BABAM2: variants seen among roughly 807,000 people sequenced by gnomAD.
The protein encoded by BABAM2 is BRISC and BRCA1 A complex member 2.
BABAM2 carries 31 observed loss-of-function variants against 54.7 expected under a neutral mutation model. The observed-to-expected ratio is 0.57, with a 90% CI of 0.43 to 0.77. The LOEUF is 0.77. Among genes scored for constraint, BABAM2 ranks in the 30% least tolerant of loss-of-function variants. BABAM2 has a pLI of 0.00. For synonymous variants in BABAM2, 167 were observed against 162.9 expected (o/e 1.03, Z -0.19); for missense variants, 364 against 455.8 (o/e 0.80, Z 1.83).
chr2:27,996,206 G>A (rs929298886), intron 4 of BABAM2, among the ~76,000 whole-genome samples: 1 of 152,194 alleles, frequency 6.6e-6, no homozygotes, highest in African/African-American at 2.4e-5. Flanking sequence ...TCCAGATAAC[G>A]CAGTCTTCTT....
chr2:28,176,581 A>AC (rs1674984519), intron 7 of BABAM2, among the ~76,000 whole-genome samples: 1 of 143,508 alleles, frequency 7.0e-6, no homozygotes. Context: ...AAAAAAAAAA[A>AC]AAAAAAAAAA....
chr2:28,034,201 C>T (rs1339545245), intron 5 of BABAM2, among the ~76,000 whole-genome samples: 1 of 152,124 alleles, frequency 6.6e-6, no homozygotes, highest in Non-Finnish European at 1.5e-5. Flanking sequence ...ACACAGAGGC[C>T]ATTTGAAGAT....
chr2:28,052,455 T>G (rs1471379580), intron 6 of BABAM2, among the ~76,000 whole-genome samples: 1 of 151,908 alleles, frequency 6.6e-6, no homozygotes, highest in African/African-American at 2.4e-5. Flanking sequence ...GCCTGGCTAA[T>G]TTTTGTATTT....
rs573568511 is a variant in BABAM2, at chr2:28,072,258, C to T, written c.570+26459C>T. Among the ~76,000 whole-genome samples, 6 of 152,160 alleles carry T rather than the reference C, an allele frequency of 3.9e-5. No individual in the cohort carries two copies. The South Asian group carries it at 6.2e-4, about 16-fold the overall frequency. On this transcript the variant is annotated intron_variant, in intron 6 of 11. Coordinates refer to ENST00000379624, the MANE Select transcript of BABAM2 (RefSeq NM_199191.3). Reference sequence around the variant, plus strand: ...CGCCATCTTGGCTTACTGCAACCTTCGCCTCCCGGATTCAAGCAGTTCTCC... The same window carrying T: ...CGCCATCTTGGCTTACTGCAACCTTTGCCTCCCGGATTCAAGCAGTTCTCC...
chr2:27,946,091 A>T (rs1467349127), intron 3 of BABAM2, among the ~76,000 whole-genome samples: 1 of 152,188 alleles, frequency 6.6e-6, no homozygotes, highest in East Asian at 1.9e-4. Flanking sequence ...GTGAAGTCAG[A>T]CCTTCTTGCC....
chr2:28,223,826 C>CTAA (rs1680626898), intron 7 of BABAM2, among the ~76,000 whole-genome samples: 1 of 152,164 alleles, frequency 6.6e-6, no homozygotes, highest in Non-Finnish European at 1.5e-5. Context: ...ATATCAGAAC[C>CTAA]AGCTATGAGC....
chr2:28,120,500 G>A (rs778966386), intron 6 of BABAM2, among the ~76,000 whole-genome samples: 20 of 152,108 alleles, frequency 1.3e-4, no homozygotes, highest in Non-Finnish European at 2.1e-4. Context: ...TTCAAAACTC[G>A]TCTTCACCAT....
At chr2:28,314,808 T>C (rs1689374234) in intron 11 of BABAM2, among the ~76,000 whole-genome samples, 1 of 151,472 alleles carries the variant, frequency 6.6e-6, no homozygotes, top group Admixed American at 6.6e-5. Context: ...GAAGCTGAAA[T>C]TGGAGGCTGG....
At chr2:27,980,696 G>A (rs1330929979) in intron 3 of BABAM2, among the ~76,000 whole-genome samples, 1 of 151,060 alleles carries the variant, frequency 6.6e-6, no homozygotes, top group African/African-American at 2.4e-5. Context: ...TACATGTAAT[G>A]TAGTAAACTT....
At chr2:28,136,277 A>G (rs1253839352) in intron 7 of BABAM2, among the ~76,000 whole-genome samples, 1 of 152,130 alleles carries the variant, frequency 6.6e-6, no homozygotes, top group Non-Finnish European at 1.5e-5. Flanking sequence ...CCTGACCGCC[A>G]CTGCCTGCCT....
chr2:28,068,690 T>G (rs1055699482), intron 6 of BABAM2, among the ~76,000 whole-genome samples: 1 of 152,136 alleles, frequency 6.6e-6, no homozygotes, highest in Admixed American at 6.5e-5. Flanking sequence ...CAGAATGAGC[T>G]CTTCCAGATG....
intron 6 of BABAM2, among the ~76,000 whole-genome samples, chr2:28,100,584 C>T (rs1364145834): frequency 1.3e-5 from 2 of 151,754 alleles, no homozygotes; most frequent in African/African-American, 4.8e-5. Context: ...TTTTGTGTAT[C>T]GCCTTCTAAT....
chr2:28,157,086 T>A (rs898814204), intron 7 of BABAM2, among the ~76,000 whole-genome samples: 1 of 152,240 alleles, frequency 6.6e-6, no homozygotes, highest in Non-Finnish European at 1.5e-5. Flanking sequence ...TTTTTCCTTA[T>A]GAAAATAATT....
At chr2:27,967,914 T>C (rs1331397192) in intron 3 of BABAM2, among the ~76,000 whole-genome samples, 4 of 152,180 alleles carry the variant, frequency 2.6e-5, no homozygotes, top group African/African-American at 4.8e-5. Flanking sequence ...CAGCAAAGCA[T>C]TCAAAAGGTG....
intron 3 of BABAM2, among the ~76,000 whole-genome samples, chr2:27,973,812 G>A (rs1465193363): frequency 6.6e-6 from 1 of 152,128 alleles, no homozygotes; most frequent in Non-Finnish European, 1.5e-5. Context: ...TAGCCTCTGG[G>A]TGGTGCGTAC....
intron 10 of BABAM2, among the ~76,000 whole-genome samples, chr2:28,255,530 C>A (rs1467993552): frequency 6.6e-6 from 1 of 152,080 alleles, no homozygotes; most frequent in African/African-American, 2.4e-5. Context: ...CCACCTTGGC[C>A]TGCCAAAGTG....
At chr2:28,176,569 CAA>C (rs778275011) in intron 7 of BABAM2, among the ~76,000 whole-genome samples, 22 of 5,032 alleles carry the variant, frequency 4.4e-3, no homozygotes, top group African/African-American at 8.7e-3. Context: ...GACTCTATCT[CAA>C]AAAAAAAAAA....
At chr2:28,155,371 G>T (rs1404536716) in intron 7 of BABAM2, among the ~76,000 whole-genome samples, 1 of 152,174 alleles carries the variant, frequency 6.6e-6, no homozygotes, top group Non-Finnish European at 1.5e-5. Flanking sequence ...ACCAGGTTAA[G>T]AATTTGGAGA....
intron 7 of BABAM2, among the ~76,000 whole-genome samples, chr2:28,163,364 T>C (rs1009371505): frequency 3.3e-5 from 5 of 152,186 alleles, no homozygotes; most frequent in African/African-American, 1.2e-4. Context: ...TCTTGTGTTA[T>C]GTGGAGTAAG....
Sources: allele counts gnomAD v4.1 joint callset (sites outside exome capture counted in the v4.1 genomes callset), GRCh38; gene constraint gnomAD v4.1.1; transcripts MANE v1.5; gene names NCBI Gene and HGNC (gene_info 2026-07-23, HGNC 2026-07-21).